Variants in CTNNA3 observed in about 807,000 individuals in gnomAD.
CTNNA3 encodes catenin alpha 3.
A neutral mutation model predicts 95.7 loss-of-function variants in CTNNA3; 76 were observed. The observed-to-expected ratio is 0.79, with a 90% CI of 0.66 to 0.96. The LOEUF is 0.96. Ranked by LOEUF, CTNNA3 falls within the 40% of genes least tolerant of loss-of-function variation. The pLI is 0.00. For missense variants in CTNNA3, 1,191 were observed against 1,089.8 expected, an observed-to-expected ratio of 1.09 and a Z score of -1.31; for synonymous variants, 431 against 374.4, an observed-to-expected ratio of 1.15 and a Z score of -1.74.
At chr10:66,610,336 GT>G (rs1189187814) in intron 10 of CTNNA3, among the ~76,000 whole-genome samples, 1 of 151,988 alleles carries the variant, frequency 6.6e-6, no homozygotes, top group Non-Finnish European at 1.5e-5. Flanking sequence ...GAACTTAAAA[GT>G]TTTTTTAAAA....
chr10:65,998,553 C>T (rs1350630089), intron 15 of CTNNA3, among the ~76,000 whole-genome samples: 2 of 152,062 alleles, frequency 1.3e-5, no homozygotes, highest in Non-Finnish European at 2.9e-5. Flanking sequence ...CCTGAAGAAA[C>T]AGCTCACTAA....
intron 15 of CTNNA3, among the ~76,000 whole-genome samples, chr10:66,013,497 CAT>C (rs1393592752): frequency 1.4e-4 from 22 of 152,290 alleles, no homozygotes; most frequent in East Asian, 7.7e-4. Context: ...CTAGTAATAA[CAT>C]GTGTATATTT....
chr10:67,362,814 A>C (rs1465802804), intron 5 of CTNNA3, among the ~76,000 whole-genome samples: 1 of 151,436 alleles, frequency 6.6e-6, no homozygotes, highest in Admixed American at 6.6e-5. Context: ...AAAAAATCAA[A>C]CTCTCTCTCT....
At chr10:66,533,268 T>C (rs1000620199) in intron 10 of CTNNA3, among the ~76,000 whole-genome samples, 1 of 152,172 alleles carries the variant, frequency 6.6e-6, no homozygotes, top group Admixed American at 6.5e-5. Flanking sequence ...TTACCTCTTG[T>C]TAGGTAACTC....
At chr10:66,848,250 G>A (rs1056728871) in intron 7 of CTNNA3, among the ~76,000 whole-genome samples, 17 of 152,142 alleles carry the variant, frequency 1.1e-4, no homozygotes, top group Non-Finnish European at 5.9e-5. Context: ...TTTTGAGATA[G>A]TTACACATAA....
chr10:66,217,869 G>A (rs1824669), intron 13 of CTNNA3, among the ~76,000 whole-genome samples: 5,536 of 152,158 alleles, frequency 0.036, 246 homozygotes, highest in African/African-American at 0.11. Context: ...TTCAAGCCTA[G>A]GGCAGCCTGA....
chr10:67,373,663 G>GA (rs1170911989), intron 5 of CTNNA3, among the ~76,000 whole-genome samples: 7 of 152,040 alleles, frequency 4.6e-5, no homozygotes, highest in Non-Finnish European at 1.0e-4. Context: ...AATGTTAAGT[G>GA]AAAAAAAGCA....
chr10:66,029,616 T>G (rs1391518490), intron 15 of CTNNA3, among the ~76,000 whole-genome samples: 2 of 152,184 alleles, frequency 1.3e-5, no homozygotes, highest in Non-Finnish European at 2.9e-5. Flanking sequence ...CATTTCCCCA[T>G]AGCTTTCTTA....
intron 7 of CTNNA3, among the ~76,000 whole-genome samples, chr10:67,093,304 G>A (rs892500618): frequency 3.9e-5 from 6 of 151,906 alleles, no homozygotes; most frequent in Non-Finnish European, 8.8e-5. Flanking sequence ...ATGAAATAAT[G>A]TATTTGGGTA....
At chr10:67,400,595 A>C (rs1844881456) in intron 5 of CTNNA3, among the ~76,000 whole-genome samples, 1 of 152,196 alleles carries the variant, frequency 6.6e-6, no homozygotes, top group South Asian at 2.1e-4. Flanking sequence ...TTCATGTGGA[A>C]AATTTTAAGT....
chr10:67,548,555 A>G (rs1327653263), intron 3 of CTNNA3, among the ~76,000 whole-genome samples: 3 of 152,310 alleles, frequency 2.0e-5, no homozygotes, highest in Admixed American at 6.5e-5. Context: ...AAAACTTACT[A>G]GGAAGCTATA....
intron 3 of CTNNA3, among the ~76,000 whole-genome samples, chr10:67,563,969 C>T (rs368309366): frequency 1.2e-4 from 18 of 148,640 alleles, no homozygotes; most frequent in South Asian, 8.8e-4. Context: ...GTTAGAATGG[C>T]GATCATTAAA....
At chr10:67,532,921 G>C (rs1247223915) in intron 4 of CTNNA3, among the ~76,000 whole-genome samples, 1 of 152,196 alleles carries the variant, frequency 6.6e-6, no homozygotes, top group African/African-American at 2.4e-5. Flanking sequence ...CAGGATTCAA[G>C]CAAGGTCTCC....
At chr10:66,991,877 A>AAT (rs1403390232) in intron 7 of CTNNA3, among the ~76,000 whole-genome samples, 3 of 152,260 alleles carry the variant, frequency 2.0e-5, no homozygotes, top group South Asian at 4.2e-4. Flanking sequence ...TTTTATACCA[A>AAT]AGAAATCTCA....
chr10:66,799,009 T>C (rs1374751366), intron 7 of CTNNA3, among the ~76,000 whole-genome samples: 15 of 151,636 alleles, frequency 9.9e-5, no homozygotes, highest in Admixed American at 9.9e-4. Context: ...AGAGCTTTCT[T>C]TGCATGTAGA....
chr10:67,276,206 C>T (rs1839177478), intron 5 of CTNNA3, among the ~76,000 whole-genome samples: 1 of 152,062 alleles, frequency 6.6e-6, no homozygotes, highest in African/African-American at 2.4e-5. Context: ...TTTAGGACAG[C>T]CTATCCATTA....
rs74410568 is a variant in CTNNA3, at chr10:66,686,493, T to A, written c.1282-64709A>T. Among the ~76,000 whole-genome samples, 411 of 152,284 alleles carry A rather than the reference T, an allele frequency of 2.7e-3. 13 individuals are homozygous for A. The East Asian group carries it at 0.055, about 20-fold the overall frequency. On this transcript the variant is annotated intron_variant, in intron 9 of 17. Transcript: ENST00000433211. The stretch of plus-strand genomic sequence containing the variant: ...ATATATATTTTTTCCCATTTTCAAA[T>A]TTCAGCAATAAATAAATAAGAAGCT...
intron 3 of CTNNA3, among the ~76,000 whole-genome samples, chr10:67,560,531 A>C (rs1018382340): frequency 3.3e-5 from 5 of 152,208 alleles, no homozygotes; most frequent in African/African-American, 4.8e-5. Context: ...TACTGCAAAA[A>C]CATGCCAAAT....
intron 7 of CTNNA3, among the ~76,000 whole-genome samples, chr10:67,010,346 TTGTTTTAAAATA>T (rs1453072731): frequency 6.6e-6 from 1 of 152,192 alleles, no homozygotes; most frequent in African/African-American, 2.4e-5. Context: ...TGTTTTAAAA[TTGTTTTAAAATA>T]TGTTTTAAAA....
Sources: allele counts gnomAD v4.1 joint callset (sites outside exome capture counted in the v4.1 genomes callset), GRCh38; gene constraint gnomAD v4.1.1; transcripts MANE v1.5; gene names NCBI Gene and HGNC (gene_info 2026-07-23, HGNC 2026-07-21).